Variants in EIF4G3 observed in about 807,000 individuals in gnomAD.
EIF4G3 encodes the protein eukaryotic translation initiation factor 4 gamma 3.
In EIF4G3, 34 loss-of-function variants were observed where a neutral mutation model predicts 186.4. That is an observed-to-expected ratio of 0.18 (90% confidence interval 0.14 to 0.24). The LOEUF is 0.24. Among genes scored for constraint, EIF4G3 ranks in the 10% least tolerant of loss-of-function variants. The pLI is 1.00. For synonymous variants in EIF4G3, 673 were observed against 679.5 expected (o/e 0.99, Z 0.15); for missense variants, 1,536 against 1,948.5 (o/e 0.79, Z 3.99).
chr1:21,171,839 C>T (rs2097979929), intron 2 of EIF4G3, among the ~76,000 whole-genome samples: 1 of 152,058 alleles, frequency 6.6e-6, no homozygotes, highest in Non-Finnish European at 1.5e-5. Flanking sequence ...AACTCAAAAC[C>T]AGATTTTTTG....
intron 16 of EIF4G3, among the ~76,000 whole-genome samples, chr1:20,896,987 G>A (rs920081912): frequency 6.6e-6 from 1 of 152,166 alleles, no homozygotes; most frequent in African/African-American, 2.4e-5. Context: ...TTTGCACAAG[G>A]AAGAAATTGC....
chr1:20,879,443 TG>T lies in EIF4G3; in HGVS notation c.2501del (p.Ser834Ter). ...QMFNQLMKQV[S>X]GLTVDTEERL... ...GCTCCTCTGTGTCAACAGTAAGTCCTGACACTTGCTTCATCAGTTGATTGAA... is the reference window on the plus strand; with the variant it reads ...GCTCCTCTGTGTCAACAGTAAGTCCTACACTTGCTTCATCAGTTGATTGAA... On this transcript the variant is annotated frameshift_variant, in exon 20 of 37. Transcript: ENST00000602326. LOFTEE classifies it high-confidence loss of function. The T allele has an allele frequency of 6.3e-7, 1 of 1,587,038 alleles. No individual in the cohort carries two copies. Among genetic ancestry groups the T allele is most frequent in the South Asian group, 1.2e-5 (1 of 86,420 alleles).
chr1:21,052,594 C>T (rs1220783520), intron 3 of EIF4G3, among the ~76,000 whole-genome samples: 2 of 152,104 alleles, frequency 1.3e-5, no homozygotes, highest in Admixed American at 6.5e-5. Context: ...CACGGTCTCC[C>T]TCTCCCTCTC....
intron 29 of EIF4G3, among the ~76,000 whole-genome samples, chr1:20,848,117 C>T (rs965890960): frequency 6.6e-6 from 1 of 151,992 alleles, no homozygotes; most frequent in Non-Finnish European, 1.5e-5. Context: ...CAGATGCGTG[C>T]CACCACACCT....
chr1:20,983,588 C>T (rs561007441), intron 7 of EIF4G3, among the ~76,000 whole-genome samples: 21 of 152,220 alleles, frequency 1.4e-4, no homozygotes, highest in African/African-American at 4.6e-4. Context: ...TATCAGGAGC[C>T]ACAAGAATGA....
chr1:21,058,670 G>A (rs6679765), intron 3 of EIF4G3, among the ~76,000 whole-genome samples: 4,704 of 144,246 alleles, frequency 0.033, 254 homozygotes, highest in African/African-American at 0.11. Context: ...GGGACTACAC[G>A]TACATGCCAC....
chr1:20,900,528 G>A (rs1231825534), intron 15 of EIF4G3, among the ~76,000 whole-genome samples: 1 of 146,760 alleles, frequency 6.8e-6, no homozygotes. Flanking sequence ...AAAAAAAAGA[G>A]AGAGAGAGAA....
rs115562210 is a variant in EIF4G3, at chr1:21,089,570, C to T, written c.-271-357G>A. ...AATCCCAACACTTTTGGAGGTCAAA[C>T]TGAGAGAATCACTTAAACCCCAAGA... On this transcript the variant is annotated intron_variant, in intron 2 of 36. Transcript: ENST00000602326. Among the ~76,000 whole-genome samples, 1,221 of 152,182 alleles carry T rather than the reference C, an allele frequency of 8.0e-3. 3 individuals carry two copies. Among genetic ancestry groups the T allele is most frequent in the Non-Finnish European group, 0.013 (884 of 68,004 alleles).
chr1:20,827,768 A>G lies in EIF4G3; in HGVS notation c.4188-70T>C. The G allele has an allele frequency of 4.7e-6, 5 of 1,062,562 alleles. No individual in the cohort carries two copies. The South Asian group carries it at 6.8e-5, about 14-fold the overall frequency. 65.8% of individuals were successfully genotyped at this position (1,062,562 alleles called of 1,614,324 possible). A position where few individuals can be genotyped will look rare whatever the true frequency, so the allele number is the denominator to read the frequency against. ...TTTCTTCTAGAACAAGAGGCAAACA[A>G]TGTGTGACCAAAAACCAGATACTGT... On this transcript the variant is annotated intron_variant, in intron 31 of 36. Transcript: ENST00000602326.
chr1:21,168,615 G>A (rs2097902269), intron 2 of EIF4G3, among the ~76,000 whole-genome samples: 1 of 151,710 alleles, frequency 6.6e-6, no homozygotes, highest in African/African-American at 2.4e-5. Flanking sequence ...TATTAGAGAT[G>A]GGGTCTCACT....
At chr1:21,176,141 A>G in intron 2 of EIF4G3, 34 bp downstream of exon 2, 1 of 356,916 alleles carries the variant, frequency 2.8e-6, no homozygotes, top group South Asian at 1.1e-4. Flanking sequence ...CGACGACGAG[A>G]ACCGAAGGGC....
intron 4 of EIF4G3, among the ~76,000 whole-genome samples, chr1:21,039,379 A>G (rs2093428432): frequency 1.3e-5 from 2 of 152,266 alleles, no homozygotes; most frequent in African/African-American, 4.8e-5. Flanking sequence ...TGTAAGAGCT[A>G]AAAGTATACA....
At position 21,051,005 on chromosome 1, in the gene EIF4G3, A is replaced by G. The variant is rs569434537; in HGVS notation, c.-195-11T>C. 274 of 717,358 alleles carry G rather than the reference A, an allele frequency of 3.8e-4. 2 individuals are homozygous for G. The African/African-American group carries it at 4.2e-3, about 11-fold the overall frequency. 44.4% of individuals were successfully genotyped at this position (717,358 alleles called of 1,614,324 possible). A position where few individuals can be genotyped will look rare whatever the true frequency, so the allele number is the denominator to read the frequency against. ...TGCCACTTGTGTTACCTGTGAGGAA[A>G]TCAATATTTAGTAAGAACATTATAT... On this transcript the variant is annotated splice_polypyrimidine_tract_variant and intron_variant, in intron 3 of 36. Transcript: ENST00000602326.
chr1:20,811,713 T>C (rs567703212), intron 35 of EIF4G3, among the ~76,000 whole-genome samples: 4 of 152,204 alleles, frequency 2.6e-5, no homozygotes, highest in African/African-American at 9.7e-5. Context: ...GATAGATATG[T>C]TAATTAATTT....
chr1:20,862,378 C>G, intron 22 of EIF4G3, 46 bp from the exon 23 acceptor site: 1 of 1,181,690 alleles, frequency 8.5e-7, no homozygotes, highest in Non-Finnish European at 1.2e-6. Context: ...GAAACTTAAA[C>G]GTAATTTTAC....
At chr1:21,008,652 A>G (rs1315182914) in intron 4 of EIF4G3, among the ~76,000 whole-genome samples, 2 of 152,130 alleles carry the variant, frequency 1.3e-5, no homozygotes, top group East Asian at 1.9e-4. Flanking sequence ...TTAATCTTTA[A>G]GAAATTTATT....
intron 4 of EIF4G3, among the ~76,000 whole-genome samples, chr1:21,005,324 C>T (rs1023144575): frequency 1.3e-5 from 2 of 152,140 alleles, no homozygotes; most frequent in Admixed American, 6.5e-5. Context: ...AGTAATGAGG[C>T]TCTTTGATCT....
At chr1:21,018,051 A>G (rs1571072727) in intron 4 of EIF4G3, among the ~76,000 whole-genome samples, 1 of 150,354 alleles carries the variant, frequency 6.7e-6, no homozygotes, top group Admixed American at 6.7e-5. Context: ...CGATCCTCCC[A>G]CCTCTGCCTC....
chr1:20,987,794 C>A (rs2079927582), intron 7 of EIF4G3, among the ~76,000 whole-genome samples: 1 of 152,078 alleles, frequency 6.6e-6, no homozygotes, highest in African/African-American at 2.4e-5. Flanking sequence ...GAACAGTGGC[C>A]TCTATATGGT....
Sources: gnomAD v4.1 joint callset for allele counts (sites outside exome capture counted in the v4.1 genomes callset) on GRCh38, gnomAD v4.1.1 for gene constraint, MANE v1.5 for transcripts, NCBI Gene and HGNC (gene_info 2026-07-23, HGNC 2026-07-21) for gene names.